Variants in PTK2 observed in about 807,000 individuals in gnomAD.
PTK2 encodes protein tyrosine kinase 2.
Under a neutral mutation model 150.1 loss-of-function variants are expected in PTK2, and 45 were observed. The observed-to-expected ratio is 0.30, with a 90% CI of 0.24 to 0.38. The LOEUF (loss-of-function observed/expected upper bound fraction) is 0.38. PTK2 is among the 10% of genes least tolerant of loss of function. The probability of loss-of-function intolerance (pLI) is 1.00; values close to 1 mark genes in which losing one functional copy is unlikely to be tolerated. For synonymous variants in PTK2, 432 were observed against 449.2 expected (o/e 0.96, Z 0.48); for missense variants, 919 against 1,307.3 (o/e 0.70, Z 4.58).
chr8:140,968,543 C>A (rs1179699615), intron 1 of PTK2, among the ~76,000 whole-genome samples: 1 of 152,152 alleles, frequency 6.6e-6, no homozygotes, highest in Non-Finnish European at 1.5e-5. Flanking sequence ...ATACAGGGAG[C>A]AAGGATCAGA....
chr8:140,775,409 C>T (rs900736965), intron 14 of PTK2, among the ~76,000 whole-genome samples: 34 of 152,050 alleles, frequency 2.2e-4, no homozygotes, highest in African/African-American at 7.2e-4. Context: ...TGTTTGAGCC[C>T]GGGAGATGGA....
chr8:140,927,958 G>GAAAAAAAAAAAAAAAAAAAAAAAAAAAA (rs57931737), intron 1 of PTK2, among the ~76,000 whole-genome samples: 1 of 63,638 alleles, frequency 1.6e-5, no homozygotes, highest in Non-Finnish European at 2.6e-5. Flanking sequence ...AAAAAAAAAA[G>GAAAAAAAAAAAAAAAAAAAAAAAAAAAA]AAAAAAAAAA....
At chr8:140,790,157 C>A (rs994665438) in intron 13 of PTK2, among the ~76,000 whole-genome samples, 1 of 151,984 alleles carries the variant, frequency 6.6e-6, no homozygotes, top group Non-Finnish European at 1.5e-5. Flanking sequence ...TTGGAAAGCA[C>A]AAAACACAGG....
At chr8:140,968,889 A>G (rs1034402281) in intron 1 of PTK2, among the ~76,000 whole-genome samples, 3 of 152,226 alleles carry the variant, frequency 2.0e-5, no homozygotes, top group East Asian at 3.8e-4. Context: ...AGCAACTCCT[A>G]TGGGGGCTGG....
intron 1 of PTK2, among the ~76,000 whole-genome samples, chr8:140,994,301 T>A (rs771332360): frequency 7.2e-5 from 11 of 152,212 alleles, no homozygotes; most frequent in African/African-American, 2.6e-4. Flanking sequence ...TTCATTAGAG[T>A]ATTTATGCAA....
chr8:140,764,037 T>G (rs2100070861), intron 15 of PTK2, 197 bp downstream of exon 17: 1 of 608,632 alleles, frequency 1.6e-6, no homozygotes, highest in African/African-American at 1.8e-5. Flanking sequence ...ATTACAGATA[T>G]TTGAGTTTTA....
intron 8 of PTK2, among the ~76,000 whole-genome samples, chr8:140,826,414 T>C (rs1432025174): frequency 6.6e-6 from 1 of 152,216 alleles, no homozygotes; most frequent in Non-Finnish European, 1.5e-5. Flanking sequence ...GCTAAGGTTA[T>C]GAATTCCTAA....
exon 11 of PTK2, chr8:140,803,553 C>A (rs2100096539): frequency 1.9e-6 from 3 of 1,610,744 alleles, no homozygotes; most frequent in Non-Finnish European, 2.5e-6. Flanking sequence ...CTCGGGTGCA[C>A]CTGCTATTTT....
intron 4 of PTK2, among the ~76,000 whole-genome samples, chr8:140,873,777 T>C (rs1330946498): frequency 6.6e-6 from 1 of 152,228 alleles, no homozygotes; most frequent in Non-Finnish European, 1.5e-5. Flanking sequence ...GCAATTTTTA[T>C]ATTGATCAGA....
intron 18 of PTK2, among the ~76,000 whole-genome samples, chr8:140,745,563 C>T (rs2100058231): frequency 6.6e-6 from 1 of 152,126 alleles, no homozygotes; most frequent in Non-Finnish European, 1.5e-5. Flanking sequence ...CACAATGCTC[C>T]CCCGGCCCAG....
At chr8:140,731,297 T>TAA (rs1335730795) in intron 22 of PTK2, among the ~76,000 whole-genome samples, 1 of 152,132 alleles carries the variant, frequency 6.6e-6, no homozygotes, top group East Asian at 1.9e-4. Context: ...GGTGCGCTCT[T>TAA]ATAACCTGAC....
chr8:141,000,087 TCACACACA>T (rs71310820), intron 1 of PTK2, among the ~76,000 whole-genome samples: 7 of 81,606 alleles, frequency 8.6e-5, no homozygotes, highest in African/African-American at 2.1e-4. Flanking sequence ...TGAAACCAAT[TCACACACA>T]CACACACACA....
At chr8:140,764,554 G>A (rs537644615) in intron 14 of PTK2, 118 of 483,476 alleles carry the variant, frequency 2.4e-4, no homozygotes, top group Middle Eastern at 5.3e-4. Flanking sequence ...AAAACAGAAC[G>A]ACATGAAACA....
chr8:140,786,709 T>C (rs2100085179), intron 14 of PTK2, among the ~76,000 whole-genome samples: 1 of 152,050 alleles, frequency 6.6e-6, no homozygotes, highest in Non-Finnish European at 1.5e-5. Context: ...AGTAGGGGAA[T>C]GACTAAGGAC....
chr8:140,770,147 GA>G (rs1565998941), intron 14 of PTK2, among the ~76,000 whole-genome samples: 3 of 152,214 alleles, frequency 2.0e-5, no homozygotes, highest in African/African-American at 7.2e-5. Flanking sequence ...TGCTGACAAC[GA>G]AGGTTCCCAT....
At chr8:140,776,435 G>A (rs2100078502) in intron 14 of PTK2, among the ~76,000 whole-genome samples, 1 of 152,054 alleles carries the variant, frequency 6.6e-6, no homozygotes, top group South Asian at 2.1e-4. Flanking sequence ...TCTATGACTT[G>A]GTCTTCTAAA....
At chr8:140,961,865 GTTTATCCCTTCAACCA>G (rs1166564567) in intron 1 of PTK2, among the ~76,000 whole-genome samples, 1 of 152,064 alleles carries the variant, frequency 6.6e-6, no homozygotes, top group African/African-American at 2.4e-5. Flanking sequence ...TCATTTAGAG[GTTTATCCCTTCAACCA>G]TACAACCCAA....
chr8:140,910,325 T>G (rs1455345961), intron 2 of PTK2, among the ~76,000 whole-genome samples: 1 of 151,584 alleles, frequency 6.6e-6, no homozygotes. Flanking sequence ...TCCCTTGCCT[T>G]TTTTTTTAAT....
intron 5 of PTK2, among the ~76,000 whole-genome samples, chr8:140,850,259 C>G (rs1027837739): frequency 2.0e-5 from 3 of 151,878 alleles, no homozygotes; most frequent in Non-Finnish European, 2.9e-5. Context: ...AACCCCGTCT[C>G]TACTAAAAAT....
Sources: allele counts gnomAD v4.1 joint callset (sites outside exome capture counted in the v4.1 genomes callset), GRCh38; gene constraint gnomAD v4.1.1; transcripts MANE v1.5; gene names NCBI Gene and HGNC (gene_info 2026-07-23, HGNC 2026-07-21).